Variants in GNB4 observed in about 807,000 individuals in gnomAD.
The protein encoded by GNB4 is guanine nucleotide-binding protein subunit beta-4.
A neutral mutation model predicts 45.2 loss-of-function variants in GNB4; 28 were observed. That is an observed-to-expected ratio of 0.62 (90% CI 0.46 to 0.85). The LOEUF is 0.85. Ranked by LOEUF, GNB4 falls within the 40% of genes least tolerant of loss-of-function variation. The pLI, the probability that GNB4 is intolerant of heterozygous loss-of-function variation, is 0.00. For synonymous variants in GNB4, 132 were observed against 143.7 expected, an observed-to-expected ratio of 0.92 and a Z score of 0.58; for missense variants, 321 against 425.4, an observed-to-expected ratio of 0.75 and a Z score of 2.16.
intron 2 of GNB4, among the ~76,000 whole-genome samples, chr3:179,421,415 A>G (rs531995846): frequency 5.5e-4 from 84 of 152,368 alleles, no homozygotes; most frequent in Non-Finnish European, 9.7e-4. Context: ...TAATAAAAAA[A>G]GTTTTACACC....
At chr3:179,478,623 C>T in the GNB4 span, among the ~76,000 whole-genome samples, 2 of 152,050 alleles carry the variant, frequency 1.3e-5, no homozygotes, top group Non-Finnish European at 2.9e-5. Context: ...GGCTCACTTA[C>T]AGCCTCAACC....
At chr3:179,419,313 T>C in intron 4 of GNB4, 86 bp downstream of exon 4, 1 of 893,914 alleles carries the variant, frequency 1.1e-6, no homozygotes, top group Non-Finnish European at 1.9e-6. Context: ...ATATTCTGTT[T>C]TTAAACAAAG....
chr3:179,465,355 G>T, the GNB4 span: 1 of 979,668 alleles, frequency 1.0e-6, no homozygotes, highest in Non-Finnish European at 1.6e-6. Flanking sequence ...TGTAATCCCA[G>T]CACTTTGGGA....
At chr3:179,404,365 A>G (rs1431650724) in intron 9 of GNB4, among the ~76,000 whole-genome samples, 1 of 152,174 alleles carries the variant, frequency 6.6e-6, no homozygotes, top group African/African-American at 2.4e-5. Flanking sequence ...ATAACACCTG[A>G]ATTTTTATTT....
rs1350882885 is a variant in GNB4, at chr3:179,398,502, GAC to G, written c.*2709_*2710del. ...CACCACTGTACACTCCAGCCTGGGT[GAC>G]AGAGTGAGACTCTGTCTTTAAAAAA... On this transcript the variant is annotated 3_prime_UTR_variant, in exon 10 of 10. Coordinates refer to ENST00000232564, the MANE Select transcript of GNB4 (RefSeq NM_021629.4). 6.7e-6 allele frequency: 1 copy of G among 149,974 alleles called. No homozygotes were observed. The highest frequency in any genetic ancestry group is 1.5e-5 in the Non-Finnish European group (1 of 67,824). The allele number at this position is 149,974 out of a possible 1,614,324, so 9.3% of individuals were successfully genotyped here.
the GNB4 span, among the ~76,000 whole-genome samples, chr3:179,509,654 T>C: frequency 7.3e-6 from 1 of 136,418 alleles, no homozygotes; most frequent in East Asian, 2.0e-4. Flanking sequence ...CCCTTCCCTC[T>C]TTTTTTTTTT....
chr3:179,522,519 C>T, the GNB4 span, among the ~76,000 whole-genome samples: 4 of 145,728 alleles, frequency 2.7e-5, no homozygotes, highest in Admixed American at 6.6e-5. Context: ...AATATTGACA[C>T]GTACTCCTTT....
chr3:179,469,143 C>G, the GNB4 span, among the ~76,000 whole-genome samples: 1 of 152,162 alleles, frequency 6.6e-6, no homozygotes, highest in Non-Finnish European at 1.5e-5. Context: ...CAGTGCGCAG[C>G]TAACACGTAT....
chr3:179,441,471 T>C (rs2108617973), intron 1 of GNB4, among the ~76,000 whole-genome samples: 1 of 152,278 alleles, frequency 6.6e-6, no homozygotes, highest in African/African-American at 2.4e-5. Context: ...TGGTGGCTCA[T>C]GCCTGTAATT....
At chr3:179,474,334 C>T in the GNB4 span, among the ~76,000 whole-genome samples, 1 of 152,138 alleles carries the variant, frequency 6.6e-6, no homozygotes, top group Non-Finnish European at 1.5e-5. Flanking sequence ...AGCGATTCTC[C>T]TACCTCAGCC....
At chr3:179,483,176 C>T in the GNB4 span, among the ~76,000 whole-genome samples, 1 of 151,808 alleles carries the variant, frequency 6.6e-6, no homozygotes, top group Non-Finnish European at 1.5e-5. Context: ...TGTGTATACC[C>T]TGCCTCCTTC....
the GNB4 span, among the ~76,000 whole-genome samples, chr3:179,501,470 T>G: frequency 5.6e-5 from 8 of 141,840 alleles, no homozygotes; most frequent in Admixed American, 2.9e-4. Context: ...GGCTAATTTT[T>G]GGGGTTTGTT....
intron 1 of GNB4, among the ~76,000 whole-genome samples, chr3:179,439,088 G>T (rs1326405149): frequency 1.3e-5 from 2 of 152,082 alleles, no homozygotes; most frequent in African/African-American, 2.4e-5. Flanking sequence ...CCCTTCCCAG[G>T]ACTACAGACT....
chr3:179,439,169 A>G (rs751314132), intron 1 of GNB4, among the ~76,000 whole-genome samples: 1 of 152,182 alleles, frequency 6.6e-6, no homozygotes, highest in African/African-American at 2.4e-5. Flanking sequence ...GAAGCTCTCT[A>G]GAGTTTGAGA....
chr3:179,468,387 C>A, the GNB4 span, among the ~76,000 whole-genome samples: 1 of 151,322 alleles, frequency 6.6e-6, no homozygotes, highest in South Asian at 2.1e-4. Context: ...CCCAGCTGCT[C>A]GGGAGGCTGA....
the GNB4 span, among the ~76,000 whole-genome samples, chr3:179,461,389 C>A: frequency 2.6e-5 from 4 of 151,362 alleles, no homozygotes; most frequent in Admixed American, 2.0e-4. Flanking sequence ...CCCAGCTACT[C>A]GGGAGGCTGA....
the GNB4 span, among the ~76,000 whole-genome samples, chr3:179,479,861 G>C: frequency 6.6e-6 from 1 of 152,180 alleles, no homozygotes; most frequent in Non-Finnish European, 1.5e-5. Flanking sequence ...TAGAATTACA[G>C]AACTTTAAAA....
At chr3:179,414,297 T>C (rs1217589723) in intron 6 of GNB4, among the ~76,000 whole-genome samples, 1 of 152,214 alleles carries the variant, frequency 6.6e-6, no homozygotes, top group Non-Finnish European at 1.5e-5. Flanking sequence ...ATTTGAATGC[T>C]TAGCATTCAT....
At chr3:179,409,953 G>T (rs779953608) in intron 8 of GNB4, among the ~76,000 whole-genome samples, 1 of 152,116 alleles carries the variant, frequency 6.6e-6, no homozygotes, top group Admixed American at 6.5e-5. Context: ...TGAGGGAGCC[G>T]GTGGAAGGTA....
Sources: allele counts gnomAD v4.1 joint callset (sites outside exome capture counted in the v4.1 genomes callset), GRCh38; gene constraint gnomAD v4.1.1; transcripts MANE v1.5; gene names NCBI Gene and HGNC (gene_info 2026-07-23, HGNC 2026-07-21).